PITPNC1: variants seen among roughly 807,000 people sequenced by gnomAD.
The protein encoded by PITPNC1 is phosphatidylinositol transfer protein cytoplasmic 1.
In PITPNC1, 18 loss-of-function variants were observed where a neutral mutation model predicts 44.7. The ratio of observed to expected loss-of-function variants is 0.40; its 90% CI spans 0.28 to 0.60. The LOEUF (loss-of-function observed/expected upper bound fraction) is 0.60. Ranked by LOEUF, PITPNC1 falls within the 20% of genes least tolerant of loss-of-function variation. PITPNC1 has a pLI of 0.39. For missense variants in PITPNC1, 290 were observed against 418.4 expected, an observed-to-expected ratio of 0.69 and a Z score of 2.68; for synonymous variants, 141 against 149.6, an observed-to-expected ratio of 0.94 and a Z score of 0.42.
Position 67,692,806 on chromosome 17 carries a change from T to C in PITPNC1, c.917T>C (p.Leu306Pro). ...RKKSAPETLT[L>P]PDPEKKATLN... The stretch of plus-strand genomic sequence containing the variant: ...AAGTCTGCCCCAGAAACTCTCACAC[T>C]TCCAGACCCTGAGAAAAAAGCCACC... The change falls in exon 9 of 9, where the codon CTT (leucine) becomes CCT (proline). Residue 306 changes from leucine (L) to proline (P), a missense_variant. Physicochemically the swap from Leu to Pro is moderately conservative, Grantham distance 98. Coordinates refer to ENST00000581322, the MANE Select transcript of PITPNC1 (RefSeq NM_012417.4). 8 of 1,613,788 alleles carry C rather than the reference T, an allele frequency of 5.0e-6. No individual in the cohort carries two copies. The highest frequency in any genetic ancestry group is 6.8e-6 in the Non-Finnish European group (8 of 1,179,736).
chr17:67,448,518 C>T (rs920130655), intron 1 of PITPNC1, among the ~76,000 whole-genome samples: 3 of 152,076 alleles, frequency 2.0e-5, no homozygotes, highest in Non-Finnish European at 2.9e-5. Context: ...ATGAACCTGC[C>T]GTTGGGGGTG....
intron 8 of PITPNC1, chr17:67,687,141 A>G (rs776916096): frequency 4.3e-6 from 7 of 1,609,812 alleles, no homozygotes; most frequent in Non-Finnish European, 5.1e-6. Context: ...TGCAATCAGC[A>G]TTCCTCCCCT....
At chr17:67,387,787 TTTAA>T (rs768492705) in intron 1 of PITPNC1, among the ~76,000 whole-genome samples, 7 of 152,374 alleles carry the variant, frequency 4.6e-5, no homozygotes, top group East Asian at 1.9e-4. Flanking sequence ...ACTTATTTTG[TTTAA>T]TTGTTTGTTG....
rs1306600730 is a variant in PITPNC1, at chr17:67,469,419, C to A, written c.49-63383C>A. Among the ~76,000 whole-genome samples the A allele has an allele frequency of 2.0e-5, 3 of 152,180 alleles. 1 individual carries two copies. In the South Asian group the frequency reaches 6.2e-4, roughly 32 times the overall value. On this transcript the variant is annotated intron_variant, in intron 1 of 8. Transcript: ENST00000581322. ...TAGCTTATTAGAAATGCAGAATCTG[C>A]AGCCCCCGCCCAGCTTGCTGAATCA...
chr17:67,577,624 A>T (rs1214786321), intron 4 of PITPNC1, among the ~76,000 whole-genome samples: 6 of 151,104 alleles, frequency 4.0e-5, no homozygotes, highest in East Asian at 3.9e-4. Context: ...AAATAAATTT[A>T]AAAATTTTTT....
At chr17:67,393,506 C>T (rs1452999447) in intron 1 of PITPNC1, among the ~76,000 whole-genome samples, 3 of 151,766 alleles carry the variant, frequency 2.0e-5, no homozygotes, top group Non-Finnish European at 4.4e-5. Flanking sequence ...GAATTTTTTT[C>T]TGAATTCTGC....
chr17:67,575,870 C>T (rs1235185205), intron 4 of PITPNC1, among the ~76,000 whole-genome samples: 24,874 of 51,246 alleles, frequency 0.49, 6,179 homozygotes, highest in Non-Finnish European at 0.56. Context: ...TTCCTTCTTT[C>T]TTTCTTTCCT....
chr17:67,622,383 T>C (rs1448480697), intron 5 of PITPNC1, among the ~76,000 whole-genome samples: 2 of 137,388 alleles, frequency 1.5e-5, no homozygotes, highest in African/African-American at 3.1e-5. Flanking sequence ...TGTATATTCA[T>C]ATATATATAT....
intron 5 of PITPNC1, among the ~76,000 whole-genome samples, chr17:67,609,026 A>T (rs1286293169): frequency 6.9e-6 from 1 of 145,810 alleles, no homozygotes; most frequent in Non-Finnish European, 1.5e-5. Flanking sequence ...TTATTTATTT[A>T]TTTATTTTTA....
intron 4 of PITPNC1, among the ~76,000 whole-genome samples, chr17:67,566,453 G>T (rs1406897566): frequency 2.0e-5 from 3 of 152,112 alleles, no homozygotes; most frequent in East Asian, 3.9e-4. Context: ...ATCCACCCGT[G>T]TCAGCCTCCC....
At chr17:67,526,543 A>C (rs949627686) in intron 1 of PITPNC1, among the ~76,000 whole-genome samples, 8 of 152,020 alleles carry the variant, frequency 5.3e-5, no homozygotes, top group African/African-American at 1.9e-4. Flanking sequence ...AGCCTGGCCA[A>C]CCTGGTGAAA....
intron 1 of PITPNC1, among the ~76,000 whole-genome samples, chr17:67,395,204 G>C (rs1030035441): frequency 6.7e-6 from 1 of 149,164 alleles, no homozygotes; most frequent in African/African-American, 2.5e-5. Flanking sequence ...GTCCCACTCT[G>C]TTGCCCAGGC....
intron 1 of PITPNC1, among the ~76,000 whole-genome samples, chr17:67,394,789 G>A (rs2038191079): frequency 6.6e-6 from 1 of 152,082 alleles, no homozygotes; most frequent in African/African-American, 2.4e-5. Context: ...AGCTACTTGG[G>A]GAGGCTGAGA....
chr17:67,416,081 C>T (rs2038583659), intron 1 of PITPNC1, among the ~76,000 whole-genome samples: 1 of 151,840 alleles, frequency 6.6e-6, no homozygotes, highest in Non-Finnish European at 1.5e-5. Flanking sequence ...TGGCGGGTGG[C>T]TAATGACTGG....
intron 1 of PITPNC1, among the ~76,000 whole-genome samples, chr17:67,513,770 A>T (rs1478193469): frequency 6.6e-6 from 1 of 152,114 alleles, no homozygotes; most frequent in Non-Finnish European, 1.5e-5. Flanking sequence ...AATGTCACCC[A>T]CATTCATTTA....
chr17:67,695,662 C>T lies in PITPNC1; in HGVS notation c.*2774C>T, dbSNP rs1442014724. 6.7e-6 allele frequency: 1 copy of T among 149,848 alleles called. No individual in the cohort carries two copies. The highest frequency in any genetic ancestry group is 1.5e-5 in the Non-Finnish European group (1 of 67,592). 9.3% of individuals were successfully genotyped at this position (149,848 alleles called of 1,614,324 possible). On this transcript the variant is annotated 3_prime_UTR_variant, in exon 9 of 9. Transcript: ENST00000581322. ...TAAATATAGTATAGTGAATCAGACA[C>T]CATCAGTTTTAAGTCTCTGGTAGCC...
intron 3 of PITPNC1, 120 bp downstream of exon 3, chr17:67,552,465 C>A (rs1254908772): frequency 1.5e-6 from 1 of 648,010 alleles, no homozygotes; most frequent in East Asian, 2.6e-5. Flanking sequence ...CGTAGTATCC[C>A]TCTTTTTTTT....
chr17:67,463,457 G>A (rs1316417638), intron 1 of PITPNC1, among the ~76,000 whole-genome samples: 3 of 152,174 alleles, frequency 2.0e-5, no homozygotes, highest in Admixed American at 6.5e-5. Flanking sequence ...TCATCTCCGT[G>A]TTGTAATCAT....
At chr17:67,384,435 T>TG (rs1466843372) in intron 1 of PITPNC1, among the ~76,000 whole-genome samples, 2 of 151,558 alleles carry the variant, frequency 1.3e-5, no homozygotes, top group Non-Finnish European at 1.5e-5. Flanking sequence ...TCTCTTTTTT[T>TG]TTTTTTTTGA....
Sources: gnomAD v4.1 joint callset for allele counts (sites outside exome capture counted in the v4.1 genomes callset) on GRCh38, gnomAD v4.1.1 for gene constraint, MANE v1.5 for transcripts, NCBI Gene and HGNC (gene_info 2026-07-23, HGNC 2026-07-21) for gene names.